SEC23B: variants seen among roughly 807,000 people sequenced by gnomAD.
SEC23B encodes the protein protein transport protein Sec23B.
Under a neutral mutation model 104.3 loss-of-function variants are expected in SEC23B, and 77 were observed. The observed-to-expected ratio is 0.74, with a 90% CI of 0.61 to 0.89. SEC23B has a LOEUF of 0.89. Ranked by LOEUF, SEC23B falls within the 40% of genes least tolerant of loss-of-function variation. The probability of loss-of-function intolerance (pLI) is 0.00; values close to 1 mark genes in which losing one functional copy is unlikely to be tolerated. For synonymous variants in SEC23B, 338 were observed against 332.5 expected, an observed-to-expected ratio of 1.02 and a Z score of -0.18; for missense variants, 885 against 949.4, an observed-to-expected ratio of 0.93 and a Z score of 0.89.
At chr20:18,548,514 TCTC>T in intron 15 of SEC23B, 92 bp from the exon 16 acceptor site, 1 of 1,241,168 alleles carries the variant, frequency 8.1e-7, no homozygotes, top group Non-Finnish European at 1.2e-6. Context: ...TTTTCTGGGT[TCTC>T]CTATTTCAGA....
chr20:18,519,952 G>C (rs1008829759), intron 4 of SEC23B, among the ~76,000 whole-genome samples: 1 of 152,166 alleles, frequency 6.6e-6, no homozygotes, highest in Non-Finnish European at 1.5e-5. Flanking sequence ...AAGTAATGGG[G>C]GCTGTCCGCG....
intron 3 of SEC23B, among the ~76,000 whole-genome samples, chr20:18,512,778 C>A (rs1017923532): frequency 2.0e-5 from 3 of 152,130 alleles, no homozygotes; most frequent in Non-Finnish European, 2.9e-5. Flanking sequence ...GCGGCCAGGC[C>A]TAGTGGCTCA....
chr20:18,552,941 A>G (rs915266738), intron 17 of SEC23B, among the ~76,000 whole-genome samples: 2 of 152,252 alleles, frequency 1.3e-5, no homozygotes, highest in Admixed American at 6.5e-5. Context: ...ATGAAATACT[A>G]TGCCATTTTG....
chr20:18,537,179 T>A (rs1308655514), intron 12 of SEC23B, among the ~76,000 whole-genome samples: 1 of 151,468 alleles, frequency 6.6e-6, no homozygotes, highest in Non-Finnish European at 1.5e-5. Flanking sequence ...GAAGTCAGTG[T>A]GGCGATTCCT....
At chr20:18,517,647 G>A (rs1021228039) in intron 4 of SEC23B, among the ~76,000 whole-genome samples, 1 of 152,132 alleles carries the variant, frequency 6.6e-6, no homozygotes, top group Non-Finnish European at 1.5e-5. Context: ...AGATTAATGG[G>A]CGATGTTTCT....
chr20:18,545,736 G>T (rs1464585438), intron 14 of SEC23B, among the ~76,000 whole-genome samples: 4 of 152,194 alleles, frequency 2.6e-5, no homozygotes, highest in African/African-American at 9.6e-5. Flanking sequence ...TAGAGATGCA[G>T]AATCTTCAGC....
chr20:18,523,751 C>T (rs2060108051), intron 4 of SEC23B, among the ~76,000 whole-genome samples: 1 of 151,242 alleles, frequency 6.6e-6, no homozygotes, highest in Non-Finnish European at 1.5e-5. Context: ...CTTGTCCAGG[C>T]TGGTATGTAG....
intron 17 of SEC23B, among the ~76,000 whole-genome samples, chr20:18,553,515 T>C (rs1284729961): frequency 6.6e-6 from 1 of 152,264 alleles, no homozygotes; most frequent in Non-Finnish European, 1.5e-5. Context: ...AATCAGTTAA[T>C]GAATGTTTCT....
chr20:18,507,774 G>A (rs1343159608), upstream of SEC23B: 2 of 152,356 alleles, frequency 1.3e-5, no homozygotes. Flanking sequence ...GTCTTGCCCT[G>A]TTCCAAGATG....
intron 19 of SEC23B, 115 bp downstream of exon 19, chr20:18,555,288 T>C: frequency 1.1e-6 from 1 of 874,532 alleles, no homozygotes; most frequent in Non-Finnish European, 1.9e-6. Flanking sequence ...CTGCGTAAGT[T>C]GGGTATTTTG....
rs1017524210 is a variant in SEC23B at position 18,551,878 on chromosome 20, T to A, written c.1992+703T>A. On this transcript the variant is annotated intron_variant, in intron 17 of 19. Transcript: ENST00000650089. ...TCTTTCAGAGTTATATACATACTGC[T>A]GTTCTTTCAGAGTTAGTGTTTAGAG... Among the ~76,000 whole-genome samples, 24 of 152,346 alleles carry A rather than the reference T, an allele frequency of 1.6e-4. 2 individuals are homozygous for A. Among genetic ancestry groups the A allele is most frequent in the Admixed American group, 1.1e-3 (17 of 15,298 alleles).
chr20:18,518,318 G>A (rs2060049188), intron 4 of SEC23B, among the ~76,000 whole-genome samples: 1 of 152,148 alleles, frequency 6.6e-6, no homozygotes. Flanking sequence ...TCCTGACTCA[G>A]GGCATGTGAG....
At position 18,526,490 on chromosome 20, in the gene SEC23B, A is replaced by G; in HGVS notation, c.952A>G (p.Ile318Val). Residue 318 changes from isoleucine to valine, a missense_variant, in exon 8 of 20, where the codon ATT becomes GTT. Transcript: ENST00000650089. ...GATTCCTATTCGTTCTTGGCATGAT[A>G]TTGAGAAAGATAATGCACGATTCAT... is the stretch of plus-strand genomic sequence containing the variant. ...LKIPIRSWHD[I>V]EKDNARFMKK... 2 of 1,614,130 alleles carry G rather than the reference A, an allele frequency of 1.2e-6. No homozygotes were observed. Among genetic ancestry groups the G allele is most frequent in the Non-Finnish European group, 1.7e-6 (2 of 1,179,998 alleles).
chr20:18,520,395 G>A (rs373557380), intron 4 of SEC23B, among the ~76,000 whole-genome samples: 9 of 115,696 alleles, frequency 7.8e-5, no homozygotes, highest in South Asian at 6.7e-4. Context: ...AGTAATGGGC[G>A]TGTGATCGGT....
intron 11 of SEC23B, among the ~76,000 whole-genome samples, chr20:18,534,886 G>A (rs1374885035): frequency 6.6e-6 from 1 of 152,210 alleles, no homozygotes; most frequent in Non-Finnish European, 1.5e-5. Flanking sequence ...AGCAAGGCAA[G>A]AAGGGGAGGC....
intron 3 of SEC23B, among the ~76,000 whole-genome samples, chr20:18,514,492 C>T (rs544183072): frequency 3.3e-4 from 50 of 152,204 alleles, no homozygotes; most frequent in Non-Finnish European, 6.6e-4. Flanking sequence ...CTAAAGCTGC[C>T]TGTCAGCTCC....
intron 4 of SEC23B, among the ~76,000 whole-genome samples, chr20:18,516,405 A>G (rs544844494): frequency 6.6e-6 from 1 of 152,056 alleles, no homozygotes; most frequent in East Asian, 1.9e-4. Context: ...TTTCTGCTAC[A>G]TTGTGTTTTA....
At position 18,548,647 on chromosome 20, in the gene SEC23B, G is replaced by GT. The variant is rs770813176; in HGVS notation, c.1785dup (p.Asn596Ter). 8.1e-6 allele frequency: 13 copies of GT among 1,614,118 alleles called. No homozygotes were observed. Reference sequence around the variant, plus strand: ...TGAGAAGATCTCCATTTCTTCAAGTGTTTAACAACAGTCCTGATGAGTCGT... The same window carrying GT: ...TGAGAAGATCTCCATTTCTTCAAGTGTTTTAACAACAGTCCTGATGAGTCGT... On this transcript the variant is annotated frameshift_variant, in exon 16 of 20. Transcript: ENST00000650089. LOFTEE classifies it high-confidence loss of function.
At chr20:18,527,122 C>T (rs1254646100) in intron 8 of SEC23B, among the ~76,000 whole-genome samples, 3 of 152,244 alleles carry the variant, frequency 2.0e-5, no homozygotes, top group African/African-American at 4.8e-5. Flanking sequence ...GAGGCTGAGG[C>T]ACGAGAATCC....
Sources: gnomAD v4.1 joint callset for allele counts (sites outside exome capture counted in the v4.1 genomes callset) on GRCh38, gnomAD v4.1.1 for gene constraint, MANE v1.5 for transcripts, NCBI Gene and HGNC (gene_info 2026-07-23, HGNC 2026-07-21) for gene names.